Variants in CECR2 observed in about 807,000 individuals in gnomAD.
CECR2 encodes chromatin remodeling regulator CECR2.
In CECR2, 30 loss-of-function variants were observed where a neutral mutation model predicts 154.5. That is an observed-to-expected ratio of 0.19 (90% CI 0.15 to 0.26). The LOEUF (loss-of-function observed/expected upper bound fraction) is 0.26, where lower values mean the gene tolerates loss of function less well. Ranked by LOEUF, CECR2 falls within the 10% of genes least tolerant of loss-of-function variation. The probability of loss-of-function intolerance (pLI) is 1.00; values close to 1 mark genes in which losing one functional copy is unlikely to be tolerated. For missense variants in CECR2, 1,743 were observed against 1,829.3 expected (o/e 0.95, Z 0.86); for synonymous variants, 725 against 683.7 (o/e 1.06, Z -0.94).
chr22:17,463,810 G>A (rs1488826881), intron 1 of CECR2, among the ~76,000 whole-genome samples: 2 of 152,058 alleles, frequency 1.3e-5, no homozygotes, highest in Non-Finnish European at 2.9e-5. Flanking sequence ...TGCTGAAAGA[G>A]CTATCAAGAG....
chr22:17,557,487 C>T lies in CECR2; in HGVS notation c.*4647C>T, dbSNP rs1461474346. On this transcript the variant is annotated 3_prime_UTR_variant, in exon 19 of 19. Coordinates refer to ENST00000262608, the MANE Select transcript of CECR2 (RefSeq NM_001290047.2). ...TTAAGCTGGGACACAAGTTTTGCCTCCAGGCTGGATGTTGATCCTGCTCTG... is the reference window on the plus strand; with the variant it reads ...TTAAGCTGGGACACAAGTTTTGCCTTCAGGCTGGATGTTGATCCTGCTCTG... 6.6e-6 allele frequency: 1 copy of T among 152,236 alleles called. No homozygotes were observed. The highest frequency in any genetic ancestry group is 1.9e-4 in the East Asian group (1 of 5,188). The allele number at this position is 152,236 out of a possible 1,614,324, so 9.4% of individuals were successfully genotyped here.
chr22:17,481,883 G>T (rs1201965852), intron 2 of CECR2, among the ~76,000 whole-genome samples: 3 of 151,926 alleles, frequency 2.0e-5, no homozygotes, highest in Admixed American at 2.0e-4. Context: ...TTGGGAGGCC[G>T]AGGCGGGCGG....
intron 1 of CECR2, among the ~76,000 whole-genome samples, chr22:17,462,630 C>T (rs2054959859): frequency 6.6e-6 from 1 of 151,818 alleles, no homozygotes; most frequent in Non-Finnish European, 1.5e-5. Flanking sequence ...ACCTGCCTGT[C>T]CTAGGCCAGC....
At chr22:17,493,533 C>T (rs2055567951) in intron 2 of CECR2, among the ~76,000 whole-genome samples, 1 of 152,106 alleles carries the variant, frequency 6.6e-6, no homozygotes, top group African/African-American at 2.4e-5. Flanking sequence ...ATGTAGATTT[C>T]TAGGAGAAGG....
At chr22:17,547,044 A>T (rs2056625501) in intron 16 of CECR2, among the ~76,000 whole-genome samples, 1 of 150,612 alleles carries the variant, frequency 6.6e-6, no homozygotes, top group African/African-American at 2.4e-5. Context: ...GCCTCAAAAA[A>T]AAAAAAAAAA....
At chr22:17,489,079 G>T (rs2055477356) in intron 2 of CECR2, among the ~76,000 whole-genome samples, 1 of 152,062 alleles carries the variant, frequency 6.6e-6, no homozygotes, top group Non-Finnish European at 1.5e-5. Context: ...AAGTAGCTGG[G>T]ATTACAGGCA....
chr22:17,545,295 A>G (rs1404713647), intron 16 of CECR2, among the ~76,000 whole-genome samples: 1 of 145,382 alleles, frequency 6.9e-6, no homozygotes, highest in Admixed American at 7.5e-5. Context: ...GAATCACTTG[A>G]ACCCGGGAGG....
chr22:17,515,871 T>G (rs1332336531), intron 8 of CECR2, among the ~76,000 whole-genome samples: 1 of 151,702 alleles, frequency 6.6e-6, no homozygotes, highest in Non-Finnish European at 1.5e-5. Context: ...GAAATGGGGT[T>G]TCACCGTGTT....
At chr22:17,391,887 C>T (rs376801850) in intron 1 of CECR2, among the ~76,000 whole-genome samples, 130 of 152,276 alleles carry the variant, frequency 8.5e-4, no homozygotes, top group African/African-American at 2.8e-3. Context: ...CTGTAACTTC[C>T]GTCTCCCAGG....
chr22:17,367,948 G>A (rs2063011426), upstream of CECR2, among the ~76,000 whole-genome samples: 1 of 152,138 alleles, frequency 6.6e-6, no homozygotes, highest in Admixed American at 6.5e-5. Flanking sequence ...TAGAATTTGA[G>A]GATGCACTTT....
chr22:17,427,910 C>T lies in CECR2; in HGVS notation c.127-49678C>T, dbSNP rs540346123. 2.0e-5 allele frequency among the ~76,000 whole-genome samples: 3 copies of T among 152,316 alleles called. No individual in the cohort carries two copies. In the South Asian group the frequency reaches 6.2e-4, roughly 32 times the overall value. ...CCTTGAGAAATCGCCACACTGTCTT[C>T]CAAAATGGTCAGACTAATTTACACT... On this transcript the variant is annotated intron_variant, in intron 1 of 18. Transcript: ENST00000262608.
intron 2 of CECR2, among the ~76,000 whole-genome samples, chr22:17,489,832 TA>T (rs1379149301): frequency 2.6e-5 from 4 of 152,072 alleles, no homozygotes; most frequent in African/African-American, 9.7e-5. Context: ...TTTTTTATTT[TA>T]TTGATTTCTC....
intron 1 of CECR2, among the ~76,000 whole-genome samples, chr22:17,407,738 G>T (rs1271147145): frequency 2.0e-5 from 3 of 152,172 alleles, no homozygotes; most frequent in South Asian, 4.1e-4. Context: ...AGAGGACTTT[G>T]GCGGTGTCTG....
chr22:17,450,424 C>T (rs928630746), intron 1 of CECR2, among the ~76,000 whole-genome samples: 23 of 152,274 alleles, frequency 1.5e-4, no homozygotes, highest in African/African-American at 5.1e-4. Context: ...GTGCATGCCA[C>T]CATGCCCGGC....
intron 1 of CECR2, among the ~76,000 whole-genome samples, chr22:17,412,697 C>A (rs1601313093): frequency 2.0e-5 from 3 of 152,202 alleles, no homozygotes; most frequent in Admixed American, 6.5e-5. Flanking sequence ...CTCAGCCTGC[C>A]TGGAAAGCTC....
chr22:17,387,812 T>A (rs1364314592), intron 1 of CECR2, among the ~76,000 whole-genome samples: 2 of 152,218 alleles, frequency 1.3e-5, no homozygotes, highest in Non-Finnish European at 2.9e-5. Flanking sequence ...GCGTTTGGGT[T>A]ATCTGTAGTT....
intron 5 of CECR2, among the ~76,000 whole-genome samples, chr22:17,502,052 C>G (rs1030168047): frequency 6.6e-6 from 1 of 152,128 alleles, no homozygotes; most frequent in South Asian, 2.1e-4. Flanking sequence ...AAACTTTAAT[C>G]GAAAACAAGC....
chr22:17,454,615 A>C lies in CECR2; in HGVS notation c.127-22973A>C, dbSNP rs576575106. On this transcript the variant is annotated intron_variant, in intron 1 of 18. Coordinates refer to ENST00000262608, the MANE Select transcript of CECR2 (RefSeq NM_001290047.2). ...GCGAGACTCCGTCTCAAAAAAAAAA[A>C]AAAAACCCTGCAGCTGGGCAGGTCT... Among the ~76,000 whole-genome samples the C allele has an allele frequency of 8.2e-4, 125 of 152,120 alleles. 1 individual carries two copies. The highest frequency in any genetic ancestry group is 2.9e-3 in the Admixed American group (45 of 15,288).
chr22:17,485,643 G>A (rs1367484843), intron 2 of CECR2, among the ~76,000 whole-genome samples: 2 of 152,002 alleles, frequency 1.3e-5, no homozygotes, highest in East Asian at 3.9e-4. Flanking sequence ...GTACAGTGGC[G>A]CACACCTGTA....
Sources: allele counts gnomAD v4.1 joint callset (sites outside exome capture counted in the v4.1 genomes callset), GRCh38; gene constraint gnomAD v4.1.1; transcripts MANE v1.5; gene names NCBI Gene and HGNC (gene_info 2026-07-23, HGNC 2026-07-21).